Variants in RPN1 observed in about 807,000 individuals in gnomAD.
The protein encoded by RPN1 is dolichyl-diphosphooligosaccharide--protein glycosyltransferase subunit 1.
RPN1 carries 12 observed loss-of-function variants against 55.5 expected under a neutral mutation model. The observed-to-expected ratio is 0.22, with a 90% CI of 0.14 to 0.35. RPN1 has a LOEUF of 0.35. RPN1 is among the 10% of genes least tolerant of loss of function. RPN1 has a pLI of 1.00. For synonymous variants in RPN1, 317 were observed against 305.9 expected (o/e 1.04, Z -0.38); for missense variants, 679 against 761.3 (o/e 0.89, Z 1.27).
At chr3:128,622,517 C>T (rs2069567682) in intron 8 of RPN1, 108 bp from the exon 9 acceptor site, 2 of 1,404,936 alleles carry the variant, frequency 1.4e-6, no homozygotes, top group Non-Finnish European at 9.8e-7. Context: ...AATGAAATGC[C>T]ACCTTCTTGG....
chr3:128,631,191 C>A (rs138298999), intron 4 of RPN1, among the ~76,000 whole-genome samples: 2 of 145,820 alleles, frequency 1.4e-5, no homozygotes, highest in African/African-American at 5.0e-5. Context: ...GAGGCCAAGG[C>A]GGCCGGGCGC....
chr3:128,646,663 G>A (rs931375205), intron 1 of RPN1, among the ~76,000 whole-genome samples: 1 of 151,384 alleles, frequency 6.6e-6, no homozygotes, highest in South Asian at 2.1e-4. Context: ...TCCAGCCTGG[G>A]CGACAAGAGT....
rs373029964 is a variant in RPN1 at position 128,637,994 on chromosome 3, G to A, written c.438C>T (p.Ile146=). The part of the protein sequence containing the change: ...THVLHPYPTQ[I]TQSEKQFVVF... ...CCACAAACTGTTTCTCTGACTGGGT[G>A]ATCTGGGTTGGATACGGATGAAGCA... is the stretch of plus-strand genomic sequence containing the variant. The change falls in exon 3 of 10, where the codon ATC becomes ATT. Residue 146 remains isoleucine, a synonymous_variant. Coordinates refer to ENST00000296255, the MANE Select transcript of RPN1 (RefSeq NM_002950.4). 7 of 1,614,056 alleles carry A rather than the reference G, an allele frequency of 4.3e-6. No homozygotes were observed. The African/African-American group carries it at 9.3e-5, about 22-fold the overall frequency.
chr3:128,650,495 C>A, intron 1 of RPN1, 45 bp downstream of exon 1: 1 of 1,493,696 alleles, frequency 6.7e-7, no homozygotes, highest in Non-Finnish European at 8.9e-7. Flanking sequence ...GGAAGGGAGG[C>A]GGGAAGGGTC....
At chr3:128,637,378 C>T (rs1378518307) in intron 3 of RPN1, among the ~76,000 whole-genome samples, 1 of 152,054 alleles carries the variant, frequency 6.6e-6, no homozygotes, top group Non-Finnish European at 1.5e-5. Flanking sequence ...TTGCGATTTG[C>T]CATAGTAACA....
chr3:128,633,970 G>C (rs982913860), intron 3 of RPN1, among the ~76,000 whole-genome samples: 5 of 151,836 alleles, frequency 3.3e-5, no homozygotes, highest in African/African-American at 4.8e-5. Flanking sequence ...GCAACAGAGC[G>C]AGACTGTCTC....
chr3:128,638,113 A>T lies in RPN1; in HGVS notation c.327-8T>A. On this transcript the variant is annotated splice_region_variant and splice_polypyrimidine_tract_variant and intron_variant, in intron 2 of 9. Coordinates refer to ENST00000296255, the MANE Select transcript of RPN1 (RefSeq NM_002950.4). ...ACTGTGAAGAATCTCCCACTAAAGG[A>T]AGAACAAGGCAAGAGAAGTAAGAGA... 6.2e-7 allele frequency: 1 copy of T among 1,607,324 alleles called. No individual in the cohort carries two copies. Among genetic ancestry groups the T allele is most frequent in the Non-Finnish European group, 8.5e-7 (1 of 1,174,244 alleles).
chr3:128,626,066 A>G, intron 6 of RPN1, 54 bp from the exon 7 acceptor site: 1 of 1,524,378 alleles, frequency 6.6e-7, no homozygotes, highest in Non-Finnish European at 8.9e-7. Flanking sequence ...TCAATAAACC[A>G]GATTTAGGAT....
chr3:128,648,305 G>C (rs1331712046), intron 1 of RPN1, among the ~76,000 whole-genome samples: 1 of 152,146 alleles, frequency 6.6e-6, no homozygotes, highest in African/African-American at 2.4e-5. Flanking sequence ...TGAGGCAGGA[G>C]AATCACTTGA....
rs867661006 is a variant in RPN1, at chr3:128,650,801, G to A, written c.-1C>T. The A allele has an allele frequency of 3.9e-6, 6 of 1,526,882 alleles. No homozygotes were observed. In the African/African-American group the frequency reaches 6.9e-5, roughly 18 times the overall value. 94.6% of individuals were successfully genotyped at this position (1,526,882 alleles called of 1,614,324 possible). A position where few individuals can be genotyped will look rare whatever the true frequency, so the allele number is the denominator to read the frequency against. ...ACAAGCCGGCGGCTGGCGCCTCCAT[G>A]ACCGGGAAGAGCAGTGCGCCAGGGC... On this transcript the variant is annotated 5_prime_UTR_variant, in exon 1 of 10. Coordinates refer to ENST00000296255, the MANE Select transcript of RPN1 (RefSeq NM_002950.4).
At chr3:128,631,842 A>T in intron 4 of RPN1, 106 bp downstream of exon 4, 1 of 1,202,402 alleles carries the variant, frequency 8.3e-7, no homozygotes, top group Non-Finnish European at 1.2e-6. Flanking sequence ...AACATCAGTC[A>T]ACCCTAAACA....
Position 128,650,725 on chromosome 3 carries a change from A to G in RPN1, c.76T>C (p.Ser26Pro), listed in dbSNP as rs554382484. Residue 26 changes from serine (S) to proline (P), a missense_variant, in exon 1 of 10, where the codon TCC becomes CCC. This residue lies in a region of RPN1 where 352 missense variants were observed against 352.8 expected (regional missense o/e 1.00). Transcript: ENST00000296255. Reference sequence around the variant, plus strand: ...TCATTGATCAGCGGCGGTGCCTCGGAGGAGGCGCTGCCCGGCGCCGGGGCC... The same window carrying G: ...TCATTGATCAGCGGCGGTGCCTCGGGGGAGGCGCTGCCCGGCGCCGGGGCC... Reference protein sequence around the residue: ...TWAPAPGSASSEAPPLINEDV... With the variant: ...TWAPAPGSASPEAPPLINEDV... The G allele has an allele frequency of 2.6e-5, 41 of 1,560,402 alleles. No individual in the cohort carries two copies. Among genetic ancestry groups the G allele is most frequent in the African/African-American group, 5.4e-5 (4 of 73,730 alleles).
At chr3:128,622,738 GA>G (rs951912594) in intron 8 of RPN1, among the ~76,000 whole-genome samples, 3 of 151,000 alleles carry the variant, frequency 2.0e-5, no homozygotes, top group South Asian at 2.1e-4. Flanking sequence ...ACTAAAAATA[GA>G]AAAAAAAATT....
intron 4 of RPN1, 111 bp from the exon 5 acceptor site, chr3:128,630,254 T>TA: frequency 1.6e-6 from 1 of 611,462 alleles, no homozygotes; most frequent in Non-Finnish European, 2.7e-6. Flanking sequence ...ACTACTTAAT[T>TA]AAAATAGTCC....
In RPN1 at chr3:128,641,703, G is replaced by A. The variant is rs182294773; in HGVS notation, c.326+3216C>T. Among the ~76,000 whole-genome samples, 1,356 of 147,558 alleles carry A rather than the reference G, an allele frequency of 9.2e-3. 57 individuals are homozygous for A. Among genetic ancestry groups the A allele is most frequent in the Admixed American group, 0.073 (1,051 of 14,352 alleles). On this transcript the variant is annotated intron_variant, in intron 2 of 9. Transcript: ENST00000296255. ...CGGCTCACCGGAACCTCTGCCTCCC[G>A]GTTCAAGTGGTTCTCCTGCCTCAGC...
At chr3:128,644,491 T>C (rs2069751779) in intron 2 of RPN1, 1 of 320,690 alleles carries the variant, frequency 3.1e-6, no homozygotes, top group Non-Finnish European at 6.1e-6. Flanking sequence ...TAAAAATACA[T>C]ACATATACAC....
At chr3:128,649,059 G>T (rs945329042) in intron 1 of RPN1, among the ~76,000 whole-genome samples, 1 of 152,140 alleles carries the variant, frequency 6.6e-6, no homozygotes, top group Non-Finnish European at 1.5e-5. Context: ...GTCCCAGTAA[G>T]AAAGTATCTT....
intron 6 of RPN1, 23 bp from the exon 7 acceptor site, chr3:128,626,035 T>G: frequency 2.5e-6 from 4 of 1,583,238 alleles, no homozygotes; most frequent in Non-Finnish European, 3.4e-6. Context: ...GGGAATAAAA[T>G]ATAGCCTCCA....
At chr3:128,645,025 T>G in intron 1 of RPN1, 42 bp from the exon 2 acceptor site, 1 of 1,197,538 alleles carries the variant, frequency 8.4e-7, no homozygotes, top group Non-Finnish European at 1.2e-6. Flanking sequence ...GTCTTTTGGC[T>G]TCTAAATTTT....
Sources: gnomAD v4.1 joint callset for allele counts (sites outside exome capture counted in the v4.1 genomes callset) on GRCh38, gnomAD v4.1.1 for gene constraint, gnomAD v4.1.1 regional missense constraint, MANE v1.5 for transcripts, NCBI Gene and HGNC (gene_info 2026-07-23, HGNC 2026-07-21) for gene names.